ZNF626: variants seen among roughly 807,000 people sequenced by gnomAD.
ZNF626 encodes the protein zinc finger protein 626.
In ZNF626, 4 loss-of-function variants were observed where a neutral mutation model predicts 11.7. The ratio of observed to expected loss-of-function variants is 0.34; its 90% CI spans 0.17 to 0.78. The LOEUF (loss-of-function observed/expected upper bound fraction) is 0.78, where lower values mean the gene tolerates loss of function less well. Ranked by LOEUF, ZNF626 falls within the 30% of genes least tolerant of loss-of-function variation. The pLI, the probability that ZNF626 is intolerant of heterozygous loss-of-function variation, is 0.57. For missense variants in ZNF626, 588 were observed against 587.1 expected (o/e 1.00, Z -0.01); for synonymous variants, 179 against 198.6 (o/e 0.90, Z 0.83).
chr19:20,646,194 C>T, intron 2 of ZNF626, 85 bp downstream of exon 2: 1 of 1,394,138 alleles, frequency 7.2e-7, no homozygotes, highest in Non-Finnish European at 9.5e-7. Context: ...CTCTTTTATG[C>T]AAAGAATAAA....
At chr19:20,645,067 G>A (rs1355934903) in intron 3 of ZNF626, 3 of 214,638 alleles carry the variant, frequency 1.4e-5, no homozygotes, top group Non-Finnish European at 2.6e-5. Flanking sequence ...TAAAATTGCA[G>A]TGGTACTATT....
chr19:20,628,679 T>C (rs899516634), intron 3 of ZNF626, among the ~76,000 whole-genome samples: 11 of 152,230 alleles, frequency 7.2e-5, no homozygotes, highest in African/African-American at 2.7e-4. Context: ...ATTCTGGATA[T>C]TTGCCCTTTG....
intron 3 of ZNF626, among the ~76,000 whole-genome samples, chr19:20,626,818 T>C (rs537370563): frequency 9.8e-4 from 145 of 148,346 alleles, no homozygotes; most frequent in African/African-American, 3.5e-3. Flanking sequence ...AGTCCAAAAT[T>C]AGCCTGGCCA....
rs1969761016 is a variant in ZNF626 at position 20,621,787 on chromosome 19, T to TGGAA, written c.*2502_*2503insTTCC. On this transcript the variant is annotated 3_prime_UTR_variant, in exon 4 of 4. Coordinates refer to ENST00000601440, the MANE Select transcript of ZNF626 (RefSeq NM_001076675.3). ...TTCCACTACATACCAAATAGTATACTTCTTCCATCTTTTGCTTACACCATT... is the reference window on the plus strand; with the variant it reads ...TTCCACTACATACCAAATAGTATACTGGAATCTTCCATCTTTTGCTTACACCATT... The TGGAA allele has an allele frequency of 6.6e-6, 1 of 152,258 alleles. No individual in the cohort carries two copies. The highest frequency in any genetic ancestry group is 1.5e-5 in the Non-Finnish European group (1 of 68,046). The allele number at this position is 152,258 out of a possible 1,614,324, so 9.4% of individuals were successfully genotyped here.
intron 3 of ZNF626, among the ~76,000 whole-genome samples, chr19:20,642,746 C>T (rs74182981): frequency 0.19 from 29,603 of 151,920 alleles, 3,542 homozygotes; most frequent in East Asian, 0.46. Flanking sequence ...AGGCCAGGCG[C>T]GGTGGCTCAT....
intron 1 of ZNF626, among the ~76,000 whole-genome samples, chr19:20,649,884 T>C (rs1350905276): frequency 2.6e-5 from 4 of 152,248 alleles, no homozygotes; most frequent in Non-Finnish European, 5.9e-5. Context: ...GGTCTCTTAT[T>C]ACTTAGCACT....
intron 3 of ZNF626, among the ~76,000 whole-genome samples, chr19:20,634,818 G>A (rs185979087): frequency 6.7e-4 from 99 of 148,352 alleles, no homozygotes; most frequent in African/African-American, 2.2e-3. Context: ...TAATCTTCAA[G>A]GAATAATGTT....
rs1969813561 is a variant in ZNF626 at position 20,625,285 on chromosome 19, C to T, written c.592G>A (p.Gly198Arg). 2 of 1,613,778 alleles carry T rather than the reference C, an allele frequency of 1.2e-6. No homozygotes were observed. The highest frequency in any genetic ancestry group is 1.7e-6 in the Non-Finnish European group (2 of 1,179,978). The part of the protein sequence containing the change: ...LTTHKKIHTG[G>R]KPYKCEECGK... ...CATTCTTCACATTTGTAGGGTTTCC[C>T]TCCAGTATGAATTTTCTTATGTGTA... is the stretch of plus-strand genomic sequence containing the variant. Residue 198 changes from glycine to arginine, a missense_variant, in exon 4 of 4, where the codon GGG becomes AGG. Gly to Arg is a moderately radical substitution (Grantham distance 125, BLOSUM62 -2). This residue lies in a region of ZNF626 where 524 missense variants were observed against 470.1 expected (regional missense o/e 1.11). Coordinates refer to ENST00000601440, the MANE Select transcript of ZNF626 (RefSeq NM_001076675.3).
At chr19:20,625,702 AT>A in intron 3 of ZNF626, 52 bp from the exon 4 acceptor site, 2 of 1,480,716 alleles carry the variant, frequency 1.4e-6, no homozygotes, top group Non-Finnish European at 1.8e-6. Flanking sequence ...TCAGATAAAT[AT>A]AAATATATAT....
chr19:20,632,198 C>G (rs1419001352), intron 3 of ZNF626, among the ~76,000 whole-genome samples: 2 of 152,198 alleles, frequency 1.3e-5, no homozygotes, highest in African/African-American at 2.4e-5. Flanking sequence ...ATAACCCGAG[C>G]TTTCTCTCTG....
At position 20,625,117 on chromosome 19, in the gene ZNF626, C is replaced by G; in HGVS notation, c.760G>C (p.Glu254Gln). The G allele has an allele frequency of 6.2e-7, 1 of 1,613,022 alleles. No individual in the cohort carries two copies. Among genetic ancestry groups the G allele is most frequent in the South Asian group, 1.1e-5 (1 of 90,986 alleles). The change falls in exon 4 of 4, where the codon GAG (glutamate) becomes CAG (glutamine). Residue 254 changes from glutamate (E) to glutamine (Q), a missense_variant. By Grantham distance (29) the Glu-to-Gln change is conservative (BLOSUM62 2). Transcript: ENST00000601440. ...CATTTATCACACTTGTAGGGTTTCTCTCCAGTATGATTTCTCTTATGTGTA... is the reference window on the plus strand; with the variant it reads ...CATTTATCACACTTGTAGGGTTTCTGTCCAGTATGATTTCTCTTATGTGTA... ...LTTHKRNHTG[E>Q]KPYKCDKCGK...
Position 20,624,870 on chromosome 19 carries a change from G to T in ZNF626, c.1007C>A (p.Thr336Asn), listed in dbSNP as rs782327605. ...TTCACATTTGTAGGGTTTGTCTTCA[G>T]TATGAATTCTTTTATGTGTAGTAAG... ...YTLTTHKRIH[T>N]EDKPYKCEEC... Residue 336 changes from threonine (T) to asparagine (N), a missense_variant, in exon 4 of 4, where the codon ACT (threonine) becomes AAT (asparagine). Thr to Asn is a moderately conservative substitution (Grantham distance 65). Around this residue, in one of 4 missense-constraint regions of ZNF626, gnomAD observed 524 missense variants for 470.1 expected, o/e 1.11. Transcript: ENST00000601440. 1.2e-5 allele frequency: 19 copies of T among 1,613,940 alleles called. No individual in the cohort carries two copies. The East Asian group carries it at 1.6e-4, about 13-fold the overall frequency.
intron 1 of ZNF626, among the ~76,000 whole-genome samples, chr19:20,656,696 AAG>A (rs1267253736): frequency 4.0e-4 from 61 of 152,022 alleles, no homozygotes; most frequent in African/African-American, 1.3e-3. Context: ...AAAAAAAAAA[AAG>A]GTCATCGCTA....
At chr19:20,654,067 G>A (rs1185836599) in intron 1 of ZNF626, among the ~76,000 whole-genome samples, 8 of 152,098 alleles carry the variant, frequency 5.3e-5, no homozygotes, top group Non-Finnish European at 8.8e-5. Context: ...ATATTCTTTG[G>A]ATATTAGATA....
chr19:20,637,342 G>A (rs575511439), intron 3 of ZNF626, among the ~76,000 whole-genome samples: 31 of 151,788 alleles, frequency 2.0e-4, no homozygotes, highest in East Asian at 5.8e-4. Flanking sequence ...AAAATTAGCC[G>A]GGCATAGTGG....
Position 20,624,111 on chromosome 19 carries a change from TC to T in ZNF626, c.*178del, listed in dbSNP as rs1555769091. On this transcript the variant is annotated 3_prime_UTR_variant, in exon 4 of 4. Coordinates refer to ENST00000601440, the MANE Select transcript of ZNF626 (RefSeq NM_001076675.3). ...ATTATTCACATCTGTAGGGTTTCTCTCCAGTATGAAATCTCTTATGTGTAGT... is the reference window on the plus strand; with the variant it reads ...ATTATTCACATCTGTAGGGTTTCTCTCAGTATGAAATCTCTTATGTGTAGT... 1.9e-6 allele frequency: 2 copies of T among 1,049,758 alleles called. No individual in the cohort carries two copies. The highest frequency in any genetic ancestry group is 2.5e-5 in the South Asian group (2 of 78,964). 65.0% of individuals were successfully genotyped at this position (1,049,758 alleles called of 1,614,324 possible).
rs566805667 is a variant in ZNF626, at chr19:20,624,322, T to C, written c.1555A>G (p.Ser519Gly). 3.7e-6 allele frequency: 6 copies of C among 1,612,994 alleles called. No homozygotes were observed. Among genetic ancestry groups the C allele is most frequent in the East Asian group, 2.2e-5 (1 of 44,810 alleles). The stretch of plus-strand genomic sequence containing the variant: ...ATGTGTAGTAAGGTGTGAGGACCGC[T>C]TGAAGGCTTTGCCACATTCTTCACA... ...TNVKNVAKPS[S>G]GPHTLLHIR Residue 519 changes from serine to glycine, a missense_variant, in exon 4 of 4, where the codon AGC (serine) becomes GGC (glycine). By Grantham distance (56) the Ser-to-Gly change is moderately conservative. Transcript: ENST00000601440.
Position 20,645,681 on chromosome 19 carries a change from T to C in ZNF626, c.226+3A>G, listed in dbSNP as rs782064391. 1 of 1,608,336 alleles carries C rather than the reference T, an allele frequency of 6.2e-7. No individual in the cohort carries two copies. The highest frequency in any genetic ancestry group is 1.1e-5 in the South Asian group (1 of 89,884). On this transcript the variant is annotated splice_donor_region_variant and intron_variant, in intron 3 of 3. Transcript: ENST00000601440. ...TGTTGTATTCATTTTCACTCACACCTACCTGAGGGTTTGGCTATCATCTCA... is the reference window on the plus strand; with the variant it reads ...TGTTGTATTCATTTTCACTCACACCCACCTGAGGGTTTGGCTATCATCTCA...
chr19:20,626,619 GAC>G (rs1248884564), intron 3 of ZNF626, among the ~76,000 whole-genome samples: 3 of 152,198 alleles, frequency 2.0e-5, no homozygotes, highest in African/African-American at 7.2e-5. Context: ...TTGGGAGGCT[GAC>G]ACACAACACA....
Sources: gnomAD v4.1 joint callset for allele counts (sites outside exome capture counted in the v4.1 genomes callset) on GRCh38, gnomAD v4.1.1 for gene constraint, gnomAD v4.1.1 regional missense constraint, MANE v1.5 for transcripts, NCBI Gene and HGNC (gene_info 2026-07-23, HGNC 2026-07-21) for gene names.